TBC1D22A: variants seen among roughly 807,000 people sequenced by gnomAD.
TBC1D22A encodes the protein putative GTPase activator.
TBC1D22A carries 38 observed loss-of-function variants against 60.2 expected under a neutral mutation model. The observed-to-expected ratio is 0.63, with a 90% confidence interval of 0.49 to 0.83. The LOEUF is 0.83. TBC1D22A is among the 40% of genes least tolerant of loss of function. TBC1D22A has a pLI of 0.00. For missense variants in TBC1D22A, 628 were observed against 701.0 expected (o/e 0.90, Z 1.18); for synonymous variants, 302 against 281.7 (o/e 1.07, Z -0.72).
rs1294110524 is a variant in TBC1D22A, at chr22:47,175,666, A to G, written c.*2040A>G. On this transcript the variant is annotated 3_prime_UTR_variant, in exon 13 of 13. Coordinates refer to ENST00000337137, the MANE Select transcript of TBC1D22A (RefSeq NM_014346.5). ...TGTGCTGTCTGGATGTGGTGCGCTAAAAACACGGAATAAAGATCAGTGACA... is the reference window on the plus strand; with the variant it reads ...TGTGCTGTCTGGATGTGGTGCGCTAGAAACACGGAATAAAGATCAGTGACA... 6.6e-6 allele frequency: 1 copy of G among 152,230 alleles called. No homozygotes were observed. Among genetic ancestry groups the G allele is most frequent in the African/African-American group, 2.4e-5 (1 of 41,376 alleles). The allele number at this position is 152,230 out of a possible 1,614,324, so 9.4% of individuals were successfully genotyped here.
At chr22:47,064,287 G>A (rs1391187954) in intron 11 of TBC1D22A, among the ~76,000 whole-genome samples, 1 of 152,264 alleles carries the variant, frequency 6.6e-6, no homozygotes, top group Admixed American at 6.5e-5. Context: ...CCCGGGCAGC[G>A]GTGCCGGGCG....
chr22:47,031,575 G>A (rs1238484340), intron 10 of TBC1D22A, among the ~76,000 whole-genome samples: 7 of 152,238 alleles, frequency 4.6e-5, no homozygotes, highest in South Asian at 4.1e-4. Context: ...TGCCCAGGGC[G>A]CAGGTGCCCA....
At chr22:47,096,832 A>AAAAT (rs1227180466) in intron 11 of TBC1D22A, among the ~76,000 whole-genome samples, 4 of 152,208 alleles carry the variant, frequency 2.6e-5, no homozygotes, top group South Asian at 4.1e-4. Context: ...AAAAAAAATA[A>AAAAT]AAATAAATAA....
chr22:47,048,981 G>GTT (rs2063116457), intron 11 of TBC1D22A, among the ~76,000 whole-genome samples: 3 of 152,228 alleles, frequency 2.0e-5, no homozygotes, highest in Non-Finnish European at 4.4e-5. Context: ...AAAAGGAAAC[G>GTT]TTAACCTGAG....
chr22:46,936,689 G>A (rs9615422), intron 8 of TBC1D22A, among the ~76,000 whole-genome samples: 10,156 of 152,320 alleles, frequency 0.067, 466 homozygotes, highest in Non-Finnish European at 0.1. Context: ...AAAGAATCAG[G>A]TGTGAACGGG....
At chr22:46,918,631 A>T (rs371244462) in intron 8 of TBC1D22A, among the ~76,000 whole-genome samples, 2 of 152,178 alleles carry the variant, frequency 1.3e-5, no homozygotes, top group South Asian at 2.1e-4. Context: ...GCTCATAGGG[A>T]TGGAGACTGA....
At chr22:46,792,131 G>A (rs1293670313) in intron 1 of TBC1D22A, among the ~76,000 whole-genome samples, 1 of 152,226 alleles carries the variant, frequency 6.6e-6, no homozygotes, top group Non-Finnish European at 1.5e-5. Flanking sequence ...AATGATGGCA[G>A]GTGAGAATTC....
intron 12 of TBC1D22A, among the ~76,000 whole-genome samples, chr22:47,151,564 TG>T (rs1355452485): frequency 2.0e-5 from 3 of 152,236 alleles, no homozygotes; most frequent in African/African-American, 7.2e-5. Context: ...CTCTGGTACC[TG>T]GGCTCCCTCG....
intron 10 of TBC1D22A, among the ~76,000 whole-genome samples, chr22:47,032,571 C>T (rs1023206208): frequency 2.6e-5 from 4 of 152,212 alleles, no homozygotes; most frequent in Non-Finnish European, 5.9e-5. Flanking sequence ...CGCCTGAAGC[C>T]TCCTGTGTAA....
At chr22:46,868,742 ACT>A (rs374070078) in intron 4 of TBC1D22A, among the ~76,000 whole-genome samples, 2 of 152,098 alleles carry the variant, frequency 1.3e-5, no homozygotes, top group African/African-American at 2.4e-5. Flanking sequence ...AGAGGGTTTA[ACT>A]CTCTTACCAT....
At chr22:46,769,869 C>T (rs1364725591) in intron 1 of TBC1D22A, among the ~76,000 whole-genome samples, 2 of 152,022 alleles carry the variant, frequency 1.3e-5, no homozygotes, top group African/African-American at 4.8e-5. Flanking sequence ...CGGGCATGTT[C>T]AGGGTACACA....
At position 47,111,552 on chromosome 22, in the gene TBC1D22A, T is replaced by C; in HGVS notation, c.1374T>C (p.Ala458=). 2 of 1,614,196 alleles carry C rather than the reference T, an allele frequency of 1.2e-6. No individual in the cohort carries two copies. Among genetic ancestry groups the C allele is most frequent in the Non-Finnish European group, 1.7e-6 (2 of 1,180,034 alleles). Residue 458 remains alanine, a synonymous_variant, in exon 12 of 13, where the codon GCT becomes GCC. Transcript: ENST00000337137. The stretch of plus-strand genomic sequence containing the variant: ...CTCATTTCCACTTGTACGTGTGCGC[T>C]GCTTTTCTCGTGAGATGGAGGAAGG... ...GFSHFHLYVC[A]AFLVRWRKEI...
intron 10 of TBC1D22A, among the ~76,000 whole-genome samples, chr22:47,027,459 C>T (rs941290252): frequency 6.6e-6 from 1 of 152,108 alleles, no homozygotes; most frequent in African/African-American, 2.4e-5. Flanking sequence ...GAACCCATTT[C>T]GGGGTCCTTT....
intron 1 of TBC1D22A, among the ~76,000 whole-genome samples, chr22:46,775,849 C>T (rs560644964): frequency 6.6e-6 from 1 of 152,328 alleles, no homozygotes; most frequent in African/African-American, 2.4e-5. Context: ...GAAGTTAATT[C>T]CTTCAAAGAT....
intron 1 of TBC1D22A, among the ~76,000 whole-genome samples, chr22:46,784,305 G>C (rs1167585012): frequency 6.6e-6 from 1 of 152,088 alleles, no homozygotes. Context: ...GGTCTCAAGT[G>C]ATCCGCCAGC....
In TBC1D22A at chr22:47,104,066, G is replaced by C. The variant is rs547896265; in HGVS notation, c.1330-7442G>C. The stretch of plus-strand genomic sequence containing the variant: ...TCACGCCTGTAATCTCAGCACTTTG[G>C]GAGGCAGAGGCAGGCGGATCATGAG... On this transcript the variant is annotated intron_variant, in intron 11 of 12. Transcript: ENST00000337137. Among the ~76,000 whole-genome samples the C allele has an allele frequency of 6.7e-3, 1,014 of 152,272 alleles. 4 individuals are homozygous for C. The highest frequency in any genetic ancestry group is 0.015 in the South Asian group (74 of 4,820).
chr22:46,966,480 T>C (rs555905504), intron 8 of TBC1D22A, among the ~76,000 whole-genome samples: 1 of 152,240 alleles, frequency 6.6e-6, no homozygotes, highest in Non-Finnish European at 1.5e-5. Context: ...CACATAGAAG[T>C]GTTTGATATT....
chr22:47,043,068 C>T (rs2148416286), intron 11 of TBC1D22A, among the ~76,000 whole-genome samples: 1 of 152,324 alleles, frequency 6.6e-6, no homozygotes, highest in East Asian at 1.9e-4. Flanking sequence ...TCAGGCATAG[C>T]AACGGGAAAG....
At chr22:47,027,879 CCT>C (rs2062311989) in intron 10 of TBC1D22A, among the ~76,000 whole-genome samples, 1 of 152,210 alleles carries the variant, frequency 6.6e-6, no homozygotes, top group African/African-American at 2.4e-5. Context: ...CTGGACTCTC[CCT>C]GTCTTGTCCA....
Sources: allele counts gnomAD v4.1 joint callset (sites outside exome capture counted in the v4.1 genomes callset), GRCh38; gene constraint gnomAD v4.1.1; transcripts MANE v1.5; gene names NCBI Gene and HGNC (gene_info 2026-07-23, HGNC 2026-07-21).